SNX1: variants seen among roughly 807,000 people sequenced by gnomAD.
The protein encoded by SNX1 is sorting nexin 1, also known as sorting nexin-1.
A neutral mutation model predicts 71.8 loss-of-function variants in SNX1; 36 were observed. That is an observed-to-expected ratio of 0.50 (90% CI 0.38 to 0.66). The LOEUF is 0.66. Among genes scored for constraint, SNX1 ranks in the 30% least tolerant of loss-of-function variants. SNX1 has a pLI of 0.00. For synonymous variants in SNX1, 254 were observed against 240.7 expected (o/e 1.06, Z -0.51); for missense variants, 612 against 646.7 (o/e 0.95, Z 0.58).
rs1189468209 is a variant in SNX1, at chr15:64,140,194, C to T, written c.*2576C>T. On this transcript the variant is annotated 3_prime_UTR_variant, in exon 15 of 15. Coordinates refer to ENST00000559844, the MANE Select transcript of SNX1 (RefSeq NM_003099.5). ...TTAGTCTTGTCCCAGTTATTACTGT[C>T]ATGATTGACCAACATGATTTCCTAA... 6.6e-6 allele frequency: 1 copy of T among 152,262 alleles called. No homozygotes were observed. Among genetic ancestry groups the T allele is most frequent in the Non-Finnish European group, 1.5e-5 (1 of 68,050 alleles). The allele number at this position is 152,262 out of a possible 1,614,324, so 9.4% of individuals were successfully genotyped here.
rs1166435365 is a variant in SNX1 at position 64,142,334 on chromosome 15, A to T, written c.*4716A>T. The T allele has an allele frequency of 4.4e-6, 1 of 226,902 alleles. No homozygotes were observed. The highest frequency in any genetic ancestry group is 5.3e-5 in the Admixed American group (1 of 18,710). 14.1% of individuals were successfully genotyped at this position (226,902 alleles called of 1,614,324 possible). ...CAGAGCAAGATCTTGTCTCAAAAAA[A>T]AAAGCAGCTCTGGATGGGAAGGGAG... On this transcript the variant is annotated 3_prime_UTR_variant, in exon 15 of 15. Transcript: ENST00000559844.
chr15:64,110,878 G>A (rs1439106132), intron 1 of SNX1, among the ~76,000 whole-genome samples: 1 of 152,218 alleles, frequency 6.6e-6, no homozygotes, highest in East Asian at 1.9e-4. Flanking sequence ...TGGTGGATCA[G>A]AAATGGAAAG....
chr15:64,100,024 A>G (rs16947776), intron 1 of SNX1, among the ~76,000 whole-genome samples: 6,042 of 152,212 alleles, frequency 0.04, 414 homozygotes, highest in African/African-American at 0.14. Flanking sequence ...CCTCAATAGC[A>G]TTTTGCTAAT....
At chr15:64,136,296 A>T in intron 12 of SNX1, 34 bp from the exon 13 acceptor site, 2 of 1,533,832 alleles carry the variant, frequency 1.3e-6, no homozygotes, top group African/African-American at 2.7e-5. Flanking sequence ...GTGCCATAAT[A>T]TGAGGTGATC....
At chr15:64,120,464 A>G (rs1178824457) in intron 4 of SNX1, among the ~76,000 whole-genome samples, 1 of 151,710 alleles carries the variant, frequency 6.6e-6, no homozygotes, top group Non-Finnish European at 1.5e-5. Flanking sequence ...TTGTAGAGAC[A>G]GGGTTTCACC....
chr15:64,113,209 AGCTG>A (rs2081095204), intron 2 of SNX1, among the ~76,000 whole-genome samples: 1 of 152,236 alleles, frequency 6.6e-6, no homozygotes, highest in African/African-American at 2.4e-5. Context: ...TCCACCAACA[AGCTG>A]TAACCTCCAG....
intron 1 of SNX1, among the ~76,000 whole-genome samples, chr15:64,109,351 A>T (rs756757708): frequency 1.2e-4 from 19 of 152,202 alleles, no homozygotes; most frequent in Admixed American, 7.2e-4. Context: ...TTAAAGAAAA[A>T]AAAAGAAAAA....
chr15:64,137,866 G>A lies in SNX1; in HGVS notation c.*248G>A, dbSNP rs2081375608. On this transcript the variant is annotated 3_prime_UTR_variant, in exon 15 of 15. Coordinates refer to ENST00000559844, the MANE Select transcript of SNX1 (RefSeq NM_003099.5). ...ACCTACAATAGGTGGTGGAATTATG[G>A]GATGGGGTGGAGTATTGATATAAAT... 3 of 1,403,062 alleles carry A rather than the reference G, an allele frequency of 2.1e-6. No homozygotes were observed. The highest frequency in any genetic ancestry group is 3.0e-5 in the Admixed American group (1 of 32,906). 86.9% of individuals were successfully genotyped at this position (1,403,062 alleles called of 1,614,324 possible).
At position 64,127,267 on chromosome 15, in the gene SNX1, G is replaced by GC. The variant is rs766862813; in HGVS notation, c.731+17dup. The GC allele has an allele frequency of 5.0e-6, 8 of 1,599,978 alleles. No individual in the cohort carries two copies. In the South Asian group the frequency reaches 8.9e-5, roughly 18 times the overall value. On this transcript the variant is annotated intron_variant, in intron 7 of 14. Coordinates refer to ENST00000559844, the MANE Select transcript of SNX1 (RefSeq NM_003099.5). Reference sequence around the variant, plus strand: ...GCTTTAGAAAGGTAAGTGCCATGCAGCCATTTTCCTGAATAATGTGAGGAC... The same window carrying GC: ...GCTTTAGAAAGGTAAGTGCCATGCAGCCCATTTTCCTGAATAATGTGAGGAC...
chr15:64,100,799 C>G (rs2080952820), intron 1 of SNX1, among the ~76,000 whole-genome samples: 1 of 151,368 alleles, frequency 6.6e-6, no homozygotes, highest in Non-Finnish European at 1.5e-5. Context: ...AAGGCAAAAG[C>G]TTTTTATTTG....
chr15:64,121,517 A>G (rs2081196795), intron 4 of SNX1, among the ~76,000 whole-genome samples: 1 of 152,216 alleles, frequency 6.6e-6, no homozygotes, highest in Non-Finnish European at 1.5e-5. Flanking sequence ...TTTAACAAAT[A>G]AGGACACCAA....
rs1001133436 is a variant in SNX1 at position 64,136,909 on chromosome 15, A to T, written c.1495A>T (p.Thr499Ser). 3 of 1,613,912 alleles carry T rather than the reference A, an allele frequency of 1.9e-6. No individual in the cohort carries two copies. Among genetic ancestry groups the T allele is most frequent in the Admixed American group, 3.3e-5 (2 of 59,998 alleles). Residue 499 changes from threonine (T) to serine (S), a missense_variant, in exon 14 of 15, where the codon ACA becomes TCA. This residue lies in a region of SNX1 where 296 missense variants were observed against 361.9 expected (regional missense o/e 0.82). Coordinates refer to ENST00000559844, the MANE Select transcript of SNX1 (RefSeq NM_003099.5). ...GAACCACGTGATCAAGTACCTTGAG[A>T]CACTCCTTTACTCACAGCAGCAGGT... ...FKNHVIKYLE[T>S]LLYSQQQLAK...
rs772905839 is a variant in SNX1, at chr15:64,129,884, A to G, written c.808-32A>G. ...TGAACCTAAAATAGGGGCAGCAGATAACTTGCCATCCCTGCCTTCTTGGTC... is the reference window on the plus strand; with the variant it reads ...TGAACCTAAAATAGGGGCAGCAGATGACTTGCCATCCCTGCCTTCTTGGTC... On this transcript the variant is annotated intron_variant, in intron 8 of 14. Coordinates refer to ENST00000559844, the MANE Select transcript of SNX1 (RefSeq NM_003099.5). The surrounding 1 kb of genome is among the most constrained non-coding windows in gnomAD (Gnocchi z 4.4). 4 of 1,493,660 alleles carry G rather than the reference A, an allele frequency of 2.7e-6. No homozygotes were observed. The highest frequency in any genetic ancestry group is 3.7e-6 in the Non-Finnish European group (4 of 1,071,002). The allele number at this position is 1,493,660 out of a possible 1,614,324, so 92.5% of individuals were successfully genotyped here.
At chr15:64,105,218 C>CA (rs5813278) in intron 1 of SNX1, among the ~76,000 whole-genome samples, 88,189 of 141,732 alleles carry the variant, frequency 0.62, 28,141 homozygotes, top group East Asian at 0.8. Context: ...GACTCTGTCT[C>CA]AAAAAAAAAA....
chr15:64,096,009 A>G lies in SNX1; in HGVS notation c.-5A>G, dbSNP rs2140124003. ...TGTTGCGGCTTCCGCCGCGGGTGGA[A>G]GAAGATGGCGTCGGGTGGTGGTGGC... On this transcript the variant is annotated 5_prime_UTR_variant, in exon 1 of 15. Coordinates refer to ENST00000559844, the MANE Select transcript of SNX1 (RefSeq NM_003099.5). 6.3e-7 allele frequency: 1 copy of G among 1,596,044 alleles called. No individual in the cohort carries two copies. The highest frequency in any genetic ancestry group is 8.5e-7 in the Non-Finnish European group (1 of 1,175,058).
Position 64,129,976 on chromosome 15 carries a change from A to G in SNX1, c.868A>G (p.Lys290Glu). 6.2e-7 allele frequency: 1 copy of G among 1,614,190 alleles called. No individual in the cohort carries two copies. The highest frequency in any genetic ancestry group is 8.5e-7 in the Non-Finnish European group (1 of 1,180,036). ...TGCTGGTCTCCTCAAGATGTTCAAC[A>G]AAGCCACAGATGCCGTCAGCAAAAT... ...SGAGLLKMFN[K>E]ATDAVSKMTI... The change falls in exon 9 of 15, where the codon AAA becomes GAA. Residue 290 changes from lysine (K) to glutamate (E), a missense_variant. By Grantham distance (56) the Lys-to-Glu change is moderately conservative. Coordinates refer to ENST00000559844, the MANE Select transcript of SNX1 (RefSeq NM_003099.5). The surrounding 1 kb of genome is among the most constrained non-coding windows in gnomAD (Gnocchi z 4.4).
chr15:64,136,978 A>G (rs2081365911), intron 14 of SNX1, 46 bp downstream of exon 14: 1 of 1,521,566 alleles, frequency 6.6e-7, no homozygotes, highest in South Asian at 1.1e-5. Context: ...CCTGCTCCAA[A>G]GGCCAGCTGC....
At chr15:64,135,700 A>C (rs994458429) in intron 12 of SNX1, among the ~76,000 whole-genome samples, 1 of 149,016 alleles carries the variant, frequency 6.7e-6, no homozygotes, top group South Asian at 2.1e-4. Flanking sequence ...CGAAGGTTGC[A>C]GTGAGCTGAG....
intron 1 of SNX1, among the ~76,000 whole-genome samples, chr15:64,101,762 C>A (rs2140129998): frequency 6.6e-6 from 1 of 152,314 alleles, no homozygotes; most frequent in African/African-American, 2.4e-5. Flanking sequence ...TCCTAACCAA[C>A]CTCTGGTAAC....
Sources: gnomAD v4.1 joint callset for allele counts (sites outside exome capture counted in the v4.1 genomes callset) on GRCh38, gnomAD v4.1.1 for gene constraint, gnomAD v4.1.1 regional missense constraint, Gnocchi (gnomAD v3.1) non-coding constraint, MANE v1.5 for transcripts, NCBI Gene and HGNC (gene_info 2026-07-23, HGNC 2026-07-21) for gene names.